Variants in SLC9A1 observed in about 807,000 individuals in gnomAD.
SLC9A1 encodes the protein sodium/hydrogen exchanger 1.
Under a neutral mutation model 67.9 loss-of-function variants are expected in SLC9A1, and 22 were observed. The observed-to-expected ratio is 0.32, with a 90% CI of 0.23 to 0.46. SLC9A1 has a LOEUF of 0.46. SLC9A1 is among the 20% of genes least tolerant of loss of function. SLC9A1 has a pLI of 1.00. For missense variants in SLC9A1, 686 were observed against 1,094.8 expected (o/e 0.63, Z 5.27); for synonymous variants, 421 against 471.8 (o/e 0.89, Z 1.40).
chr1:27,114,410 G>A lies in SLC9A1; in HGVS notation c.353-124C>T. 1.4e-6 allele frequency: 1 copy of A among 702,416 alleles called. No individual in the cohort carries two copies. Among genetic ancestry groups the A allele is most frequent in the South Asian group, 1.9e-5 (1 of 52,632 alleles). 43.5% of individuals were successfully genotyped at this position (702,416 alleles called of 1,614,324 possible). On this transcript the variant is annotated intron_variant, in intron 1 of 11. Transcript: ENST00000263980. The surrounding 1 kb of genome is among the most constrained non-coding windows in gnomAD (Gnocchi z 5.4). ...AGGTGCACAGGCTGGGTCTCAGAGG[G>A]CTGCTCTGTTAACTCTCTGAGCCTC...
intron 1 of SLC9A1, among the ~76,000 whole-genome samples, chr1:27,117,972 A>G (rs1341164288): frequency 2.0e-5 from 3 of 152,118 alleles, no homozygotes; most frequent in South Asian, 2.1e-4. Flanking sequence ...TGGAGCTTCT[A>G]TGACCAGGTG....
intron 1 of SLC9A1, among the ~76,000 whole-genome samples, chr1:27,145,307 G>C (rs954649827): frequency 9.9e-5 from 15 of 152,180 alleles, no homozygotes; most frequent in African/African-American, 3.6e-4. Context: ...GCCCTGGCAG[G>C]CTGGAAGCTC....
chr1:27,102,570 A>T lies in SLC9A1; in HGVS notation c.1647-12T>A. On this transcript the variant is annotated splice_polypyrimidine_tract_variant and intron_variant, in intron 7 of 11. Transcript: ENST00000263980. ...TAAACCGGTTGAGCCTGGTGGGAGG[A>T]GGAGGGAGACGGATGGCGCCAGCTT... 6.2e-7 allele frequency: 1 copy of T among 1,608,664 alleles called. No individual in the cohort carries two copies. Among genetic ancestry groups the T allele is most frequent in the Non-Finnish European group, 8.5e-7 (1 of 1,176,342 alleles).
intron 2 of SLC9A1, among the ~76,000 whole-genome samples, chr1:27,112,873 G>A: frequency 8.6e-6 from 1 of 116,204 alleles, no homozygotes. Context: ...GACAGAGCAA[G>A]ACTCCATCTC....
intron 1 of SLC9A1, among the ~76,000 whole-genome samples, chr1:27,115,487 T>A (rs531864357): frequency 2.0e-5 from 3 of 152,258 alleles, no homozygotes; most frequent in South Asian, 2.1e-4. Context: ...AGGGTTGGCA[T>A]AGCCAAGAGG....
In SLC9A1 at chr1:27,101,943, G is replaced by A. The variant is rs965192640; in HGVS notation, c.1935+73C>T. 3.5e-6 allele frequency: 5 copies of A among 1,437,880 alleles called. No homozygotes were observed. Among genetic ancestry groups the A allele is most frequent in the African/African-American group, 2.8e-5 (2 of 71,480 alleles). The allele number at this position is 1,437,880 out of a possible 1,614,324, so 89.1% of individuals were successfully genotyped here. Reference sequence around the variant, plus strand: ...GGGTGGGTGCCGAGGGGCACGGGCAGGGCAGGGCTGCCGTAGAGAGGGGCT... The same window carrying A: ...GGGTGGGTGCCGAGGGGCACGGGCAAGGCAGGGCTGCCGTAGAGAGGGGCT... On this transcript the variant is annotated intron_variant, in intron 9 of 11. Coordinates refer to ENST00000263980, the MANE Select transcript of SLC9A1 (RefSeq NM_003047.5). The surrounding 1 kb of genome is among the most constrained non-coding windows in gnomAD (Gnocchi z 4.9).
intron 1 of SLC9A1, among the ~76,000 whole-genome samples, chr1:27,140,383 T>C (rs1287771771): frequency 1.3e-5 from 2 of 152,172 alleles, no homozygotes; most frequent in Non-Finnish European, 2.9e-5. Flanking sequence ...ATTCAGCTAA[T>C]GGTCTCATTT....
At chr1:27,140,177 G>A (rs936855318) in intron 1 of SLC9A1, among the ~76,000 whole-genome samples, 1 of 151,730 alleles carries the variant, frequency 6.6e-6, no homozygotes, top group Non-Finnish European at 1.5e-5. Context: ...CCTCCCTCCC[G>A]CACACCCACA....
At position 27,153,978 on chromosome 1, in the gene SLC9A1, C is replaced by T. The variant is rs1240816871; in HGVS notation, c.352+5G>A. 7 of 1,543,092 alleles carry T rather than the reference C, an allele frequency of 4.5e-6. No individual in the cohort carries two copies. Among genetic ancestry groups the T allele is most frequent in the Non-Finnish European group, 6.1e-6 (7 of 1,138,346 alleles). ...GGCCGCAGCATCGGAGCAAACGGGA[C>T]TTACCTATCTTCATGAGGCAGGCCA... On this transcript the variant is annotated splice_donor_5th_base_variant and intron_variant, in intron 1 of 11. Coordinates refer to ENST00000263980, the MANE Select transcript of SLC9A1 (RefSeq NM_003047.5).
chr1:27,117,005 GTC>G (rs1292017979), intron 1 of SLC9A1, among the ~76,000 whole-genome samples: 13 of 152,004 alleles, frequency 8.6e-5, no homozygotes, highest in Non-Finnish European at 2.9e-5. Context: ...ACCACCACCT[GTC>G]TGCTCAGGTT....
Position 27,103,292 on chromosome 1 carries a change from C to T in SLC9A1, c.1506G>A (p.Leu502=), listed in dbSNP as rs1250601116. 2 of 1,613,928 alleles carry T rather than the reference C, an allele frequency of 1.2e-6. No homozygotes were observed. The highest frequency in any genetic ancestry group is 1.7e-6 in the Non-Finnish European group (2 of 1,179,916). The stretch of plus-strand genomic sequence containing the variant: ...TTTTCTTCACAGCCAACAGGTCTAC[C>T]AGGGGCCGAATGGTCATGCCCTGGG... ...VFVQGMTIRP[L]VDLLAVKKKQ... Residue 502 remains leucine, a synonymous_variant, in exon 6 of 12, where the codon CTG becomes CTA. Transcript: ENST00000263980.
intron 1 of SLC9A1, among the ~76,000 whole-genome samples, chr1:27,151,272 G>A (rs1423057668): frequency 1.3e-5 from 2 of 152,164 alleles, no homozygotes; most frequent in Non-Finnish European, 2.9e-5. Context: ...AACACTTCCT[G>A]TGTATACAAA....
Position 27,131,963 on chromosome 1 carries a change from T to C in SLC9A1, c.353-17677A>G, listed in dbSNP as rs1413163385. 1.5e-5 allele frequency among the ~76,000 whole-genome samples: 2 copies of C among 129,682 alleles called. 1 individual carries two copies. The highest frequency in any genetic ancestry group is 3.2e-5 in the Non-Finnish European group (2 of 62,184). 85.1% of individuals were successfully genotyped at this position (129,682 alleles called of 152,430 possible). A position where few individuals can be genotyped will look rare whatever the true frequency, so the allele number is the denominator to read the frequency against. On this transcript the variant is annotated intron_variant, in intron 1 of 11. Coordinates refer to ENST00000263980, the MANE Select transcript of SLC9A1 (RefSeq NM_003047.5). Reference sequence around the variant, plus strand: ...GAAAAAAAAAATATATATATATATATATATATATATATATAAAATTATGGC... The same window carrying C: ...GAAAAAAAAAATATATATATATATACATATATATATATATAAAATTATGGC...
intron 1 of SLC9A1, among the ~76,000 whole-genome samples, chr1:27,151,143 C>T (rs1191050559): frequency 6.6e-6 from 1 of 152,144 alleles, no homozygotes; most frequent in East Asian, 1.9e-4. Context: ...ACATTGGTGG[C>T]AGCCTAGGTT....
At position 27,154,417 on chromosome 1, in the gene SLC9A1, G is replaced by T. The variant is rs2083552494; in HGVS notation, c.-83C>A. 1 of 818,596 alleles carries T rather than the reference G, an allele frequency of 1.2e-6. No homozygotes were observed. The highest frequency in any genetic ancestry group is 1.9e-6 in the Non-Finnish European group (1 of 527,972). The allele number at this position is 818,596 out of a possible 1,614,324, so 50.7% of individuals were successfully genotyped here. ...TAGGTAGCAAAGGGTCAGCAAGTGG[G>T]AAGAGAGACTGGCGTAGTCTCTAGG... On this transcript the variant is annotated 5_prime_UTR_variant, in exon 1 of 12. Transcript: ENST00000263980.
At chr1:27,103,422 C>T in intron 5 of SLC9A1, 110 bp from the exon 6 acceptor site, 1 of 796,756 alleles carries the variant, frequency 1.3e-6, no homozygotes, top group Admixed American at 1.8e-5. Flanking sequence ...CCTCTCTGCT[C>T]TGCTCTCTCC....
chr1:27,138,150 A>G (rs1186917887), intron 1 of SLC9A1, among the ~76,000 whole-genome samples: 1 of 152,162 alleles, frequency 6.6e-6, no homozygotes, highest in African/African-American at 2.4e-5. Context: ...CATGAATCCT[A>G]GCCCCAGGCC....
chr1:27,153,067 C>T (rs1254542817), intron 1 of SLC9A1, among the ~76,000 whole-genome samples: 1 of 152,194 alleles, frequency 6.6e-6, no homozygotes, highest in Non-Finnish European at 1.5e-5. Context: ...TCAGGCCTAG[C>T]AGGGAGACCA....
chr1:27,148,860 C>T (rs902356255), intron 1 of SLC9A1, among the ~76,000 whole-genome samples: 5 of 152,150 alleles, frequency 3.3e-5, no homozygotes, highest in South Asian at 2.1e-4. Flanking sequence ...TGCTCAGAGG[C>T]GGGAGGTCAT....
Sources: gnomAD v4.1 joint callset for allele counts (sites outside exome capture counted in the v4.1 genomes callset) on GRCh38, gnomAD v4.1.1 for gene constraint, Gnocchi (gnomAD v3.1) non-coding constraint, MANE v1.5 for transcripts, NCBI Gene and HGNC (gene_info 2026-07-23, HGNC 2026-07-21) for gene names.